The following MARCHF8 variants were observed in gnomAD, a reference collection of about 807,000 sequenced individuals.
MARCHF8 encodes E3 ubiquitin-protein ligase MARCHF8.
A neutral mutation model predicts 51.6 loss-of-function variants in MARCHF8; 40 were observed. The observed-to-expected ratio is 0.77, with a 90% CI of 0.60 to 1.01. The LOEUF (loss-of-function observed/expected upper bound fraction) is 1.01. Ranked by LOEUF, MARCHF8 falls within the 50% of genes least tolerant of loss-of-function variation. The pLI, the probability that MARCHF8 is intolerant of heterozygous loss-of-function variation, is 0.00. For synonymous variants in MARCHF8, 263 were observed against 280.3 expected, an observed-to-expected ratio of 0.94 and a Z score of 0.62; for missense variants, 685 against 708.6, an observed-to-expected ratio of 0.97 and a Z score of 0.38.
chr10:45,471,719 C>T (rs1337626179), intron 3 of MARCHF8, among the ~76,000 whole-genome samples: 2 of 152,208 alleles, frequency 1.3e-5, no homozygotes, highest in East Asian at 1.9e-4. Flanking sequence ...AGCACACTAC[C>T]GAGCAGGAGT....
intron 3 of MARCHF8, among the ~76,000 whole-genome samples, chr10:45,485,920 T>C (rs534591367): frequency 6.6e-6 from 1 of 152,294 alleles, no homozygotes. Context: ...CGATTTTACA[T>C]GTCACGGCCT....
intron 6 of MARCHF8, chr10:45,460,010 G>C (rs1842735805): frequency 2.3e-6 from 1 of 438,362 alleles, no homozygotes; most frequent in Non-Finnish European, 3.0e-6. Context: ...GTTGAAAATA[G>C]AGCCTCAAGG....
intron 2 of MARCHF8, among the ~76,000 whole-genome samples, chr10:45,493,097 G>A (rs1241262782): frequency 3.3e-5 from 5 of 152,208 alleles, no homozygotes; most frequent in African/African-American, 1.2e-4. Flanking sequence ...CCAAACTAGG[G>A]AAGAGCTTAA....
chr10:45,481,149 C>T (rs2042878255), intron 3 of MARCHF8, among the ~76,000 whole-genome samples: 2 of 152,022 alleles, frequency 1.3e-5, no homozygotes, highest in Non-Finnish European at 2.9e-5. Flanking sequence ...GGCCTTTAGC[C>T]CCTTCATTTT....
chr10:45,512,649 G>C (rs1727407223), intron 2 of MARCHF8, among the ~76,000 whole-genome samples: 1 of 151,326 alleles, frequency 6.6e-6, no homozygotes, highest in African/African-American at 2.4e-5. Context: ...GGGAGGTGAG[G>C]GGCGCCTCTG....
At chr10:45,570,983 T>C (rs1046059072) in intron 1 of MARCHF8, among the ~76,000 whole-genome samples, 1 of 152,244 alleles carries the variant, frequency 6.6e-6, no homozygotes, top group Non-Finnish European at 1.5e-5. Flanking sequence ...ATTTCAACAC[T>C]GTCAAGATGT....
chr10:45,477,900 A>C (rs1302138315), intron 3 of MARCHF8, among the ~76,000 whole-genome samples: 1 of 152,242 alleles, frequency 6.6e-6, no homozygotes, highest in Admixed American at 6.5e-5. Context: ...CCTACACCAG[A>C]GCACTCAGAT....
intron 3 of MARCHF8, among the ~76,000 whole-genome samples, chr10:45,467,713 G>T (rs1480979441): frequency 6.6e-6 from 1 of 151,924 alleles, no homozygotes; most frequent in Admixed American, 6.6e-5. Context: ...GACAGGACCA[G>T]CCGTCCTGCT....
At chr10:45,545,733 G>A (rs1032202157) in intron 1 of MARCHF8, among the ~76,000 whole-genome samples, 5 of 152,150 alleles carry the variant, frequency 3.3e-5, no homozygotes, top group African/African-American at 1.2e-4. Flanking sequence ...AGCAAGTTAT[G>A]GAAGCTTGCT....
chr10:45,482,070 G>A (rs1344439969), intron 3 of MARCHF8, among the ~76,000 whole-genome samples: 1 of 152,086 alleles, frequency 6.6e-6, no homozygotes, highest in Non-Finnish European at 1.5e-5. Flanking sequence ...ATTTACAATA[G>A]CTATACAAAA....
chr10:45,463,548 C>A lies in MARCHF8; in HGVS notation c.691G>T (p.Val231Leu), dbSNP rs1842865573. Reference protein sequence around the residue: ...LSAGRSTASEVEAGKGGRPGL... With the variant: ...LSAGRSTASELEAGKGGRPGL... ...GGCCTGCCCCCCTTGCCAGCTTCCA[C>A]CTCTGAGGCAGTTGAGCGACCGGCA... Residue 231 changes from valine (V) to leucine (L), a missense_variant, in exon 5 of 8, where the codon GTG becomes TTG. Coordinates refer to ENST00000453424, the MANE Select transcript of MARCHF8 (RefSeq NM_001282866.2). The A allele has an allele frequency of 1.3e-6, 2 of 1,550,538 alleles. No individual in the cohort carries two copies. Among genetic ancestry groups the A allele is most frequent in the Admixed American group, 2.0e-5 (1 of 50,994 alleles).
At chr10:45,502,217 CG>C (rs1426171624) in intron 2 of MARCHF8, among the ~76,000 whole-genome samples, 1 of 152,090 alleles carries the variant, frequency 6.6e-6, no homozygotes, top group Non-Finnish European at 1.5e-5. Flanking sequence ...AACAGGTAAA[CG>C]GTTAGAAAAC....
intron 2 of MARCHF8, among the ~76,000 whole-genome samples, chr10:45,495,600 G>T (rs1053065922): frequency 6.6e-6 from 1 of 151,842 alleles, no homozygotes; most frequent in East Asian, 1.9e-4. Flanking sequence ...CCTCTTCAAC[G>T]GTTTACTCCC....
intron 1 of MARCHF8, among the ~76,000 whole-genome samples, chr10:45,546,035 T>C (rs1351302117): frequency 6.6e-6 from 1 of 152,108 alleles, no homozygotes; most frequent in Non-Finnish European, 1.5e-5. Context: ...TGTTACCCAC[T>C]AAAAAACAGT....
In MARCHF8 at chr10:45,458,317, A is replaced by C; in HGVS notation, c.1644T>G (p.Tyr548Ter). ...AGTTTGTGTCGGAATGACAGATTCC[A>C]TATCCATGTTTATTTTCAAAGTTGG... ...TEPNFENKHG[Y>*]GICHSDTNSS... The change falls in exon 8 of 8, where the codon TAT (tyrosine) becomes TAG (stop). Residue 548 changes from tyrosine to a stop codon, truncating the protein, a stop_gained. Transcript: ENST00000453424. LOFTEE classifies it high-confidence loss of function. The C allele has an allele frequency of 6.2e-7, 1 of 1,614,176 alleles. No individual in the cohort carries two copies. The highest frequency in any genetic ancestry group is 1.1e-5 in the South Asian group (1 of 91,090).
intron 2 of MARCHF8, among the ~76,000 whole-genome samples, chr10:45,509,821 T>C (rs891743453): frequency 1.3e-5 from 2 of 152,182 alleles, no homozygotes; most frequent in Admixed American, 6.5e-5. Flanking sequence ...AAATCTGATA[T>C]AGAGTTATTG....
In MARCHF8 at chr10:45,455,626, G is replaced by A. The variant is rs924360694; in HGVS notation, c.*2613C>T. On this transcript the variant is annotated 3_prime_UTR_variant, in exon 8 of 8. Coordinates refer to ENST00000453424, the MANE Select transcript of MARCHF8 (RefSeq NM_001282866.2). ...GTTTTCCAAGGCTACAGGAACATTG[G>A]CAGAGCTGGTGGCCACACCAGATGG... 1.3e-5 allele frequency: 2 copies of A among 152,306 alleles called. No homozygotes were observed. The highest frequency in any genetic ancestry group is 4.8e-5 in the African/African-American group (2 of 41,432). 9.4% of individuals were successfully genotyped at this position (152,306 alleles called of 1,614,324 possible). A position where few individuals can be genotyped will look rare whatever the true frequency, so the allele number is the denominator to read the frequency against.
chr10:45,541,510 G>A (rs563274586), intron 1 of MARCHF8, among the ~76,000 whole-genome samples: 1 of 152,138 alleles, frequency 6.6e-6, no homozygotes, highest in Admixed American at 6.5e-5. Context: ...CATGGCACAT[G>A]TATACATATG....
intron 2 of MARCHF8, among the ~76,000 whole-genome samples, chr10:45,498,819 A>G (rs1208913226): frequency 6.6e-6 from 1 of 152,220 alleles, no homozygotes; most frequent in East Asian, 1.9e-4. Flanking sequence ...TATATGCAAT[A>G]AATGTACCAT....
Sources: gnomAD v4.1 joint callset for allele counts (sites outside exome capture counted in the v4.1 genomes callset) on GRCh38, gnomAD v4.1.1 for gene constraint, MANE v1.5 for transcripts, NCBI Gene and HGNC (gene_info 2026-07-23, HGNC 2026-07-21) for gene names.